Variants in TRAPPC14 observed in about 807,000 individuals in gnomAD.
The protein encoded by TRAPPC14 is trafficking protein particle complex subunit 14, also known as microtubule associated protein 11.
Under a neutral mutation model 56.6 loss-of-function variants are expected in TRAPPC14, and 24 were observed. The ratio of observed to expected loss-of-function variants is 0.42; its 90% confidence interval spans 0.31 to 0.60. TRAPPC14 has a LOEUF of 0.60. Ranked by LOEUF, TRAPPC14 falls within the 20% of genes least tolerant of loss-of-function variation. The pLI is 0.14. For synonymous variants in TRAPPC14, 377 were observed against 347.0 expected, an observed-to-expected ratio of 1.09 and a Z score of -0.96; for missense variants, 615 against 790.3, an observed-to-expected ratio of 0.78 and a Z score of 2.66.
chr7:100,155,525 C>T, intron 9 of TRAPPC14, 70 bp from the exon 10 acceptor site: 1 of 1,508,002 alleles, frequency 6.6e-7, no homozygotes, highest in Non-Finnish European at 8.9e-7. Context: ...AATGGTCTTC[C>T]CCATGTGACA....
In TRAPPC14 at chr7:100,154,641, C is replaced by CG; in HGVS notation, c.*369dup. The CG allele has an allele frequency of 3.3e-6, 1 of 302,554 alleles. No homozygotes were observed. The highest frequency in any genetic ancestry group is 6.3e-6 in the Non-Finnish European group (1 of 158,568). 18.7% of individuals were successfully genotyped at this position (302,554 alleles called of 1,614,324 possible). On this transcript the variant is annotated 3_prime_UTR_variant, in exon 11 of 11. Coordinates refer to ENST00000316937, the MANE Select transcript of TRAPPC14 (RefSeq NM_018275.5). Reference sequence around the variant, plus strand: ...TCACCACCCTCTAATCTCAGCCCTGCGGGAGGGAGGGAGGGAATGTCAGAG... The same window carrying CG: ...TCACCACCCTCTAATCTCAGCCCTGCGGGGAGGGAGGGAGGGAATGTCAGAG...
Position 100,154,909 on chromosome 7 carries a change from C to T in TRAPPC14, c.*102G>A. 1.7e-6 allele frequency: 2 copies of T among 1,186,274 alleles called. No homozygotes were observed. The highest frequency in any genetic ancestry group is 2.5e-6 in the Non-Finnish European group (2 of 800,072). 73.5% of individuals were successfully genotyped at this position (1,186,274 alleles called of 1,614,324 possible). On this transcript the variant is annotated 3_prime_UTR_variant, in exon 11 of 11. Transcript: ENST00000316937. The stretch of plus-strand genomic sequence containing the variant: ...GCAGCTCTGCCAGGCCTCTTCACCC[C>T]CGTCTGGGAGGCATCCCAGGGGAGG...
chr7:100,155,153 A>G lies in TRAPPC14; in HGVS notation c.1601T>C (p.Val534Ala). Residue 534 changes from valine (V) to alanine (A), a missense_variant, in exon 11 of 11, where the codon GTG (valine) becomes GCG (alanine). Physicochemically the swap from Val to Ala is moderately conservative, Grantham distance 64 (BLOSUM62 0). Transcript: ENST00000316937. ...SRSHLMRSGS[V>A]MERRAITPPV... is the part of the protein sequence containing the mutation. ...GGGCGTGATGGCTCTGCGCTCCATC[A>G]CACTGCCCGACCTGGGGGAAGGCAG... 1 of 1,611,328 alleles carries G rather than the reference A, an allele frequency of 6.2e-7. No homozygotes were observed. The highest frequency in any genetic ancestry group is 2.2e-5 in the East Asian group (1 of 44,872).
At chr7:100,155,517 T>G in intron 9 of TRAPPC14, 62 bp from the exon 10 acceptor site, 4 of 1,513,940 alleles carry the variant, frequency 2.6e-6, no homozygotes, top group South Asian at 1.3e-5. Flanking sequence ...TCCTTCCAAA[T>G]GGTCTTCCCC....
At position 100,158,100 on chromosome 7, in the gene TRAPPC14, C is replaced by T. The variant is rs1456866267; in HGVS notation, c.400G>A (p.Gly134Arg). The change falls in exon 1 of 11, where the codon GGA becomes AGA. Residue 134 changes from glycine to arginine, a missense_variant. Coordinates refer to ENST00000316937, the MANE Select transcript of TRAPPC14 (RefSeq NM_018275.5). ...CCAAAGCTCCTCACCGTGGTCGCTC[C>T]CCCTGAGGTAGCAGGGCCCGGGCCG... ...THGPGPATSG[G>R]ATTLPVEEPI... 12 of 1,494,864 alleles carry T rather than the reference C, an allele frequency of 8.0e-6. No homozygotes were observed. The highest frequency in any genetic ancestry group is 2.5e-5 in the East Asian group (1 of 39,278). The allele number at this position is 1,494,864 out of a possible 1,614,324, so 92.6% of individuals were successfully genotyped here. A position where few individuals can be genotyped will look rare whatever the true frequency, so the allele number is the denominator to read the frequency against.
chr7:100,157,419 T>C lies in TRAPPC14; in HGVS notation c.678A>G (p.Arg226=). 1.2e-6 allele frequency: 2 copies of C among 1,614,000 alleles called. No homozygotes were observed. The highest frequency in any genetic ancestry group is 1.7e-6 in the Non-Finnish European group (2 of 1,180,022). ...TTCCAGCCACAGTGAACTGCCGGCATCTCAGAACCGGAGGGGGCAGCAGAG... is the reference window on the plus strand; with the variant it reads ...TTCCAGCCACAGTGAACTGCCGGCACCTCAGAACCGGAGGGGGCAGCAGAG... The part of the protein sequence containing the change: ...LLTLLPPPVL[R]CRQFTVAGKH... The change falls in exon 4 of 11, where the codon AGA becomes AGG. Residue 226 remains arginine (R), a synonymous_variant. Transcript: ENST00000316937.
rs200201055 is a variant in TRAPPC14, at chr7:100,156,522, C to T, written c.1104G>A (p.Pro368=). 2.8e-4 allele frequency: 452 copies of T among 1,613,998 alleles called. 2 individuals carry two copies. Among genetic ancestry groups the T allele is most frequent in the Non-Finnish European group, 7.7e-5 (91 of 1,180,016 alleles). The stretch of plus-strand genomic sequence containing the variant: ...TACAAGAAGCGGTCATCACAAAACA[C>T]GGGCGGTCCAAGCGGACACTGGGCA... ...YRLPSVRLDR[P]CFVMTASCKS... Residue 368 remains proline, a synonymous_variant, in exon 8 of 11, where the codon CCG becomes CCA. Coordinates refer to ENST00000316937, the MANE Select transcript of TRAPPC14 (RefSeq NM_018275.5).
In TRAPPC14 at chr7:100,156,827, C is replaced by G. The variant is rs1336299361; in HGVS notation, c.993+18G>C. 3 of 1,613,610 alleles carry G rather than the reference C, an allele frequency of 1.9e-6. No homozygotes were observed. Among genetic ancestry groups the G allele is most frequent in the South Asian group, 1.1e-5 (1 of 91,030 alleles). On this transcript the variant is annotated intron_variant, in intron 6 of 10. Coordinates refer to ENST00000316937, the MANE Select transcript of TRAPPC14 (RefSeq NM_018275.5). ...GCCTTATCACTTTTCTTTGAACACACCAGCCCCTTATGCTCACCTCCTTGG... is the reference window on the plus strand; with the variant it reads ...GCCTTATCACTTTTCTTTGAACACAGCAGCCCCTTATGCTCACCTCCTTGG...
Position 100,157,846 on chromosome 7 carries a change from G to C in TRAPPC14, c.504C>G (p.Ala168=), listed in dbSNP as rs775588627. Residue 168 remains alanine, a synonymous_variant, in exon 2 of 11, where the codon GCC becomes GCG. Coordinates refer to ENST00000316937, the MANE Select transcript of TRAPPC14 (RefSeq NM_018275.5). ...LDRLPPGTPK[A]KIVVTVWKRE... ...GCTCCACTCTTGCTCATCTTACCTT[G>C]GCCTTAGGTGTCCCTGGGGGCAGTC... 1.9e-6 allele frequency: 3 copies of C among 1,601,296 alleles called. No homozygotes were observed. Among genetic ancestry groups the C allele is most frequent in the Non-Finnish European group, 2.6e-6 (3 of 1,171,832 alleles).
chr7:100,156,122 AAAG>A, intron 8 of TRAPPC14: 1 of 620,318 alleles, frequency 1.6e-6, no homozygotes, highest in South Asian at 1.8e-5. Context: ...CACAGCTAGT[AAAG>A]GAGAGAAGTA....
chr7:100,155,046 C>T lies in TRAPPC14; in HGVS notation c.1708G>A (p.Glu570Lys), dbSNP rs546233603. The change falls in exon 11 of 11, where the codon GAG (glutamate) becomes AAG (lysine). Residue 570 changes from glutamate (E) to lysine (K), a missense_variant. By Grantham distance (56) the Glu-to-Lys change is moderately conservative (BLOSUM62 1). Transcript: ENST00000316937. ...GGTTCCACCACCAGGACCTTGCACT[C>T]GCGCTTGGCAATCTTGTCCAGAGAC... The part of the protein sequence containing the change: ...VLSLDKIAKR[E>K]CKVLVVEPVK The T allele has an allele frequency of 5.1e-5, 82 of 1,614,008 alleles. No homozygotes were observed. Among genetic ancestry groups the T allele is most frequent in the South Asian group, 2.1e-4 (19 of 91,088 alleles).
chr7:100,156,301 G>T, intron 8 of TRAPPC14, 85 bp downstream of exon 8: 1 of 1,446,424 alleles, frequency 6.9e-7, no homozygotes, highest in Non-Finnish European at 9.5e-7. Flanking sequence ...ACCAAATTTG[G>T]CTGTTTTCAC....
Position 100,156,926 on chromosome 7 carries a change from G to A in TRAPPC14, c.912C>T (p.Pro304=). 6.2e-7 allele frequency: 1 copy of A among 1,614,106 alleles called. No homozygotes were observed. Among genetic ancestry groups the A allele is most frequent in the Non-Finnish European group, 8.5e-7 (1 of 1,180,026 alleles). The part of the protein sequence containing the change: ...CRLPGTSGCF[P]CPLNALEEHN... ...GTTCCTCCAGGGCATTCAGCGGGCAGGGGAAGCAGCCAGAGGTCCCGGGTA... is the reference window on the plus strand; with the variant it reads ...GTTCCTCCAGGGCATTCAGCGGGCAAGGGAAGCAGCCAGAGGTCCCGGGTA... The change falls in exon 6 of 11, where the codon CCC becomes CCT. Residue 304 remains proline (P), a synonymous_variant. Coordinates refer to ENST00000316937, the MANE Select transcript of TRAPPC14 (RefSeq NM_018275.5).
At position 100,158,220 on chromosome 7, in the gene TRAPPC14, C is replaced by A; in HGVS notation, c.280G>T (p.Gly94Cys). 1 of 1,468,522 alleles carries A rather than the reference C, an allele frequency of 6.8e-7. No homozygotes were observed. The highest frequency in any genetic ancestry group is 1.5e-5 in the African/African-American group (1 of 68,500). 91.0% of individuals were successfully genotyped at this position (1,468,522 alleles called of 1,614,324 possible). ...SVSAGGGMPGGGGAGDQDSEP... is the reference protein window; with the variant it reads ...SVSAGGGMPGCGGAGDQDSEP... ...GAATCCTGGTCGCCGGCGCCGCCGC[C>A]CCCCGGCATCCCGCCTCCGGCGCTG... is the stretch of plus-strand genomic sequence containing the variant. Residue 94 changes from glycine to cysteine, a missense_variant, in exon 1 of 11, where the codon GGC becomes TGC. By Grantham distance (159) the Gly-to-Cys change is radical. Coordinates refer to ENST00000316937, the MANE Select transcript of TRAPPC14 (RefSeq NM_018275.5).
At chr7:100,158,047 A>C (rs1584620699) in intron 1 of TRAPPC14, 42 bp downstream of exon 1, 1 of 1,401,762 alleles carries the variant, frequency 7.1e-7, no homozygotes, top group Non-Finnish European at 9.5e-7. Context: ...CCCCCAGCAA[A>C]CCGCCCCTCC....
rs1798834415 is a variant in TRAPPC14 at position 100,154,717 on chromosome 7, C to T, written c.*294G>A. The T allele has an allele frequency of 8.6e-6, 4 of 467,572 alleles. No homozygotes were observed. Among genetic ancestry groups the T allele is most frequent in the Non-Finnish European group, 1.5e-5 (4 of 259,206 alleles). 29.0% of individuals were successfully genotyped at this position (467,572 alleles called of 1,614,324 possible). The stretch of plus-strand genomic sequence containing the variant: ...GGAAGAGACTTTGTAAACTCAGAAC[C>T]AGGGTAAAGGGCCGGGGACAAGGGA... On this transcript the variant is annotated 3_prime_UTR_variant, in exon 11 of 11. Transcript: ENST00000316937.
chr7:100,154,968 G>T lies in TRAPPC14; in HGVS notation c.*43C>A. ...GGGAGCAGGGATCCCCTCTGGGGGC[G>T]TTGGGTCTCTGGAGTGTAAGAGGGA... On this transcript the variant is annotated 3_prime_UTR_variant, in exon 11 of 11. Coordinates refer to ENST00000316937, the MANE Select transcript of TRAPPC14 (RefSeq NM_018275.5). 6.2e-7 allele frequency: 1 copy of T among 1,607,484 alleles called. No individual in the cohort carries two copies. The highest frequency in any genetic ancestry group is 8.5e-7 in the Non-Finnish European group (1 of 1,174,098).
intron 9 of TRAPPC14, 29 bp downstream of exon 9, chr7:100,155,635 TCACTCAG>T (rs1374968561): frequency 3.2e-6 from 5 of 1,553,012 alleles, no homozygotes; most frequent in African/African-American, 1.4e-5. Flanking sequence ...GCATTCTGCA[TCACTCAG>T]CACTCAGCCC....
chr7:100,154,996 A>T lies in TRAPPC14; in HGVS notation c.*15T>A, dbSNP rs748295547. On this transcript the variant is annotated 3_prime_UTR_variant, in exon 11 of 11. Coordinates refer to ENST00000316937, the MANE Select transcript of TRAPPC14 (RefSeq NM_018275.5). ...GGGTCTCTGGAGTGTAAGAGGGAAC[A>T]GAGCTGGCACGGTGCTACTTGACGG... is the stretch of plus-strand genomic sequence containing the variant. 1 of 1,613,966 alleles carries T rather than the reference A, an allele frequency of 6.2e-7. No homozygotes were observed. Among genetic ancestry groups the T allele is most frequent in the Non-Finnish European group, 8.5e-7 (1 of 1,179,834 alleles).
Sources: allele counts gnomAD v4.1 joint callset, GRCh38; gene constraint gnomAD v4.1.1; transcripts MANE v1.5; gene names NCBI Gene and HGNC (gene_info 2026-07-23, HGNC 2026-07-21).